Variants in PPA2 observed in about 807,000 individuals in gnomAD.
The protein encoded by PPA2 is inorganic pyrophosphatase 2, mitochondrial.
PPA2 carries 48 observed loss-of-function variants against 49.5 expected under a neutral mutation model. The ratio of observed to expected loss-of-function variants is 0.97; its 90% CI spans 0.77 to 1.23. PPA2 has a LOEUF of 1.23. Among genes scored for constraint, PPA2 ranks in the 50% most tolerant of loss-of-function variants. The pLI, the probability that PPA2 is intolerant of heterozygous loss-of-function variation, is 0.00. For synonymous variants in PPA2, 131 were observed against 139.9 expected (o/e 0.94, Z 0.45); for missense variants, 429 against 410.1 (o/e 1.05, Z -0.40).
At chr4:105,373,521 G>C (rs971688545) in intron 10 of PPA2, among the ~76,000 whole-genome samples, 1 of 151,996 alleles carries the variant, frequency 6.6e-6, no homozygotes, top group Non-Finnish European at 1.5e-5. Context: ...GCTGCTTCTT[G>C]TTGGAGTGCC....
chr4:105,374,708 T>G (rs990168889), intron 10 of PPA2, among the ~76,000 whole-genome samples: 1 of 152,162 alleles, frequency 6.6e-6, no homozygotes, highest in African/African-American at 2.4e-5. Flanking sequence ...CCTGCTTTAC[T>G]ATATATAACA....
chr4:105,473,784 C>A, intron 1 of PPA2, 110 bp downstream of exon 1: 1 of 1,470,320 alleles, frequency 6.8e-7, no homozygotes, highest in South Asian at 1.2e-5. Flanking sequence ...CGCTGAGGGC[C>A]CCAAAAAGAG....
intron 7 of PPA2, among the ~76,000 whole-genome samples, chr4:105,402,741 A>G (rs1161592469): frequency 6.6e-6 from 1 of 152,140 alleles, no homozygotes; most frequent in Non-Finnish European, 1.5e-5. Context: ...GACTACATAG[A>G]GGAAAAAATG....
chr4:105,448,009 G>A (rs1722486374), intron 4 of PPA2: 1 of 313,822 alleles, frequency 3.2e-6, no homozygotes. Flanking sequence ...GTTTCTCAAT[G>A]GGCTGGGATT....
Position 105,473,534 on chromosome 4 carries a change from C to G in PPA2, c.157+360G>C, listed in dbSNP as rs80301964. 2.5e-3 allele frequency: 1,240 copies of G among 505,502 alleles called. 13 individuals carry two copies. Among genetic ancestry groups the G allele is most frequent in the African/African-American group, 0.022 (1,130 of 50,708 alleles). 31.3% of individuals were successfully genotyped at this position (505,502 alleles called of 1,614,324 possible). On this transcript the variant is annotated intron_variant, in intron 1 of 11. Transcript: ENST00000341695. Reference sequence around the variant, plus strand: ...TCCCTTCCTCACTGAGTTGTGTGAACCGGGAACGGCGGCCGGGCCGGCTAA... The same window carrying G: ...TCCCTTCCTCACTGAGTTGTGTGAAGCGGGAACGGCGGCCGGGCCGGCTAA...
intron 7 of PPA2, among the ~76,000 whole-genome samples, chr4:105,407,527 ACTT>A (rs1348953660): frequency 1.5e-4 from 13 of 85,022 alleles, no homozygotes; most frequent in Non-Finnish European, 3.0e-4. Context: ...TCACATGAAG[ACTT>A]GTAATTTCAC....
At chr4:105,422,272 T>C (rs7695547) in intron 7 of PPA2, among the ~76,000 whole-genome samples, 1,912 of 152,318 alleles carry the variant, frequency 0.013, 46 homozygotes, top group African/African-American at 0.041. Flanking sequence ...GATAAATGTA[T>C]TGGTGTTCTA....
intron 4 of PPA2, among the ~76,000 whole-genome samples, chr4:105,447,245 T>G (rs1435141772): frequency 6.6e-6 from 1 of 152,174 alleles, no homozygotes; most frequent in East Asian, 1.9e-4. Flanking sequence ...TGTGGCAACA[T>G]GGATGAAACT....
intron 9 of PPA2, among the ~76,000 whole-genome samples, chr4:105,392,266 A>G (rs1733953794): frequency 6.6e-6 from 1 of 152,050 alleles, no homozygotes; most frequent in Admixed American, 6.6e-5. Context: ...AGAATAAACA[A>G]CAACAACAAA....
chr4:105,441,409 T>TA (rs1327894818), intron 5 of PPA2, among the ~76,000 whole-genome samples: 3 of 152,096 alleles, frequency 2.0e-5, no homozygotes, highest in African/African-American at 7.2e-5. Flanking sequence ...TTCAAAAACC[T>TA]AAAAATCTTA....
At chr4:105,466,060 C>A (rs1723288047) in intron 1 of PPA2, among the ~76,000 whole-genome samples, 2 of 152,108 alleles carry the variant, frequency 1.3e-5, no homozygotes, top group African/African-American at 4.8e-5. Flanking sequence ...GAAACTACCA[C>A]AAACTTCGTG....
At chr4:105,401,974 T>G (rs1722211038) in intron 7 of PPA2, among the ~76,000 whole-genome samples, 3 of 152,238 alleles carry the variant, frequency 2.0e-5, no homozygotes, top group Admixed American at 2.0e-4. Context: ...GCTAACTGTA[T>G]CTTTTATTAT....
chr4:105,395,512 TAA>T (rs1468465586), intron 9 of PPA2, among the ~76,000 whole-genome samples: 47 of 152,318 alleles, frequency 3.1e-4, no homozygotes, highest in Middle Eastern at 3.4e-3. Context: ...AGATGAACTG[TAA>T]AAGAGTGTGG....
At chr4:105,432,506 T>C (rs762948309) in intron 6 of PPA2, among the ~76,000 whole-genome samples, 7 of 152,196 alleles carry the variant, frequency 4.6e-5, no homozygotes, top group African/African-American at 7.2e-5. Flanking sequence ...AAAGTTGAAA[T>C]CATATGGCTA....
rs1732931343 is a variant in PPA2, at chr4:105,369,395, T to C, written c.*330A>G. The C allele has an allele frequency of 9.6e-6, 2 of 208,738 alleles. No homozygotes were observed. The highest frequency in any genetic ancestry group is 1.9e-5 in the Non-Finnish European group (2 of 103,390). 12.9% of individuals were successfully genotyped at this position (208,738 alleles called of 1,614,324 possible). A position where few individuals can be genotyped will look rare whatever the true frequency, so the allele number is the denominator to read the frequency against. On this transcript the variant is annotated 3_prime_UTR_variant, in exon 12 of 12. Coordinates refer to ENST00000341695, the MANE Select transcript of PPA2 (RefSeq NM_176869.3). ...ATGCACCACCACGCCTGGCTAATTT[T>C]TGTATTTTTAATAGAGATGGGGTTT...
At chr4:105,456,477 C>G in intron 2 of PPA2, 1 of 527,506 alleles carries the variant, frequency 1.9e-6, no homozygotes, top group South Asian at 2.1e-5. Context: ...CCAGTAACAC[C>G]CCTTTCTCCC....
intron 10 of PPA2, among the ~76,000 whole-genome samples, chr4:105,372,881 T>C (rs1035762264): frequency 1.3e-5 from 2 of 152,184 alleles, no homozygotes; most frequent in Non-Finnish European, 2.9e-5. Context: ...CATAAATAGT[T>C]TAAAGTTATT....
Position 105,373,253 on chromosome 4 carries a change from T to C in PPA2, c.940-2380A>G, listed in dbSNP as rs188723133. ...TCTTAACCATCGTTGGTTTTGAGGA[T>C]GGTAGAATTTAAATCTGGGTATGAC... On this transcript the variant is annotated intron_variant, in intron 10 of 11. Transcript: ENST00000341695. Among the ~76,000 whole-genome samples, 33 of 152,338 alleles carry C rather than the reference T, an allele frequency of 2.2e-4. No individual in the cohort carries two copies. The East Asian group carries it at 3.1e-3, about 14-fold the overall frequency.
intron 10 of PPA2, among the ~76,000 whole-genome samples, chr4:105,377,810 A>G (rs2110363856): frequency 6.6e-6 from 1 of 152,226 alleles, no homozygotes; most frequent in East Asian, 1.9e-4. Flanking sequence ...TGTATGATAT[A>G]TCTGTTTTCA....
Sources: gnomAD v4.1 joint callset for allele counts (sites outside exome capture counted in the v4.1 genomes callset) on GRCh38, gnomAD v4.1.1 for gene constraint, MANE v1.5 for transcripts, NCBI Gene and HGNC (gene_info 2026-07-23, HGNC 2026-07-21) for gene names.